LAMA4: variants seen among roughly 807,000 people sequenced by gnomAD.
The protein encoded by LAMA4 is laminin subunit alpha 4.
LAMA4 carries 127 observed loss-of-function variants against 207.1 expected under a neutral mutation model. The ratio of observed to expected loss-of-function variants is 0.61; its 90% CI spans 0.53 to 0.71. LAMA4 has a LOEUF of 0.71. LAMA4 is among the 30% of genes least tolerant of loss of function. The pLI, the probability that LAMA4 is intolerant of heterozygous loss-of-function variation, is 0.00. For synonymous variants in LAMA4, 761 were observed against 816.0 expected (o/e 0.93, Z 1.15); for missense variants, 2,093 against 2,246.5 (o/e 0.93, Z 1.38).
chr6:112,119,089 A>G, intron 34 of LAMA4, 67 bp downstream of exon 34: 1 of 1,500,514 alleles, frequency 6.7e-7, no homozygotes, highest in Non-Finnish European at 9.3e-7. Flanking sequence ...CTGTGAGACG[A>G]GGGCCTCAAT....
intron 9 of LAMA4, among the ~76,000 whole-genome samples, chr6:112,180,344 T>C (rs1405726939): frequency 1.3e-5 from 2 of 152,212 alleles, no homozygotes; most frequent in African/African-American, 2.4e-5. Context: ...ATACTGTATA[T>C]ATGACTGGAT....
intron 3 of LAMA4, among the ~76,000 whole-genome samples, chr6:112,214,473 T>G (rs782742709): frequency 2.0e-5 from 3 of 152,298 alleles, no homozygotes; most frequent in Non-Finnish European, 4.4e-5. Context: ...ATTTTTACTT[T>G]GTACTTCAAG....
At chr6:112,115,654 T>A (rs1554323425) in intron 36 of LAMA4, among the ~76,000 whole-genome samples, 2 of 152,208 alleles carry the variant, frequency 1.3e-5, no homozygotes. Flanking sequence ...TTTTGCCATA[T>A]TTTTATGACT....
chr6:112,157,552 T>C (rs1780792720), intron 14 of LAMA4, among the ~76,000 whole-genome samples: 1 of 152,168 alleles, frequency 6.6e-6, no homozygotes, highest in Non-Finnish European at 1.5e-5. Flanking sequence ...GACTTGAGGG[T>C]GATTGATATT....
chr6:112,246,502 C>G (rs1267754776), intron 2 of LAMA4, among the ~76,000 whole-genome samples: 1 of 147,736 alleles, frequency 6.8e-6, no homozygotes, highest in East Asian at 2.0e-4. Context: ...AGGTATTATC[C>G]TTGTCATATC....
chr6:112,155,610 A>T lies in LAMA4; in HGVS notation c.1914T>A (p.Asn638Lys), dbSNP rs547448792. 1.2e-6 allele frequency: 2 copies of T among 1,614,168 alleles called. No homozygotes were observed. Among genetic ancestry groups the T allele is most frequent in the Non-Finnish European group, 1.7e-6 (2 of 1,180,000 alleles). ...TGTTCAAAGCAAATTCTGCTGTTTC[A>T]TTGGCTTCACTAACATAATTAACAA... Reference protein sequence around the residue: ...ENIVNYVSEANETAEFALNTT... With the variant: ...ENIVNYVSEAKETAEFALNTT... Residue 638 changes from asparagine (N) to lysine (K), a missense_variant, in exon 15 of 39, where the codon AAT becomes AAA. Physicochemically the swap from Asn to Lys is moderately conservative, Grantham distance 94 (BLOSUM62 0). Coordinates refer to ENST00000230538, the MANE Select transcript of LAMA4 (RefSeq NM_001105206.3).
chr6:112,144,213 A>T (rs1411121892), intron 19 of LAMA4, among the ~76,000 whole-genome samples: 1 of 152,302 alleles, frequency 6.6e-6, no homozygotes, highest in African/African-American at 2.4e-5. Context: ...TCTTCTGCTA[A>T]GTTGCTTCTA....
chr6:112,157,110 A>G (rs868988998), intron 14 of LAMA4, among the ~76,000 whole-genome samples: 5 of 152,152 alleles, frequency 3.3e-5, no homozygotes, highest in South Asian at 2.1e-4. Context: ...TCTAATCTAA[A>G]TACTCACTAC....
intron 30 of LAMA4, 105 bp from the exon 31 acceptor site, chr6:112,129,180 G>C: frequency 1.9e-6 from 1 of 521,078 alleles, no homozygotes; most frequent in Non-Finnish European, 3.2e-6. Context: ...ATGTGTGTGT[G>C]TGTGTGCATG....
At chr6:112,148,390 G>T in intron 17 of LAMA4, 54 bp from the exon 18 acceptor site, 1 of 1,586,016 alleles carries the variant, frequency 6.3e-7, no homozygotes. Context: ...ATATTTGTTG[G>T]GGAACATTAA....
chr6:112,206,040 C>T (rs1554354063), intron 4 of LAMA4, among the ~76,000 whole-genome samples: 1 of 152,196 alleles, frequency 6.6e-6, no homozygotes, highest in South Asian at 2.1e-4. Context: ...CTGCTCTATG[C>T]ATCACTTCCA....
chr6:112,198,492 C>T (rs1783550934), intron 5 of LAMA4, among the ~76,000 whole-genome samples: 1 of 152,040 alleles, frequency 6.6e-6, no homozygotes, highest in African/African-American at 2.4e-5. Context: ...AAGCAGAAAC[C>T]CTCCTCTTAA....
intron 3 of LAMA4, among the ~76,000 whole-genome samples, chr6:112,214,530 G>A (rs749515223): frequency 1.3e-4 from 20 of 152,062 alleles, no homozygotes; most frequent in Non-Finnish European, 2.4e-4. Flanking sequence ...TTATACTAAT[G>A]TATCTATATT....
intron 28 of LAMA4, among the ~76,000 whole-genome samples, chr6:112,131,595 G>A (rs1554329812): frequency 6.6e-6 from 1 of 152,020 alleles, no homozygotes; most frequent in Non-Finnish European, 1.5e-5. Context: ...AAAATATTTG[G>A]CAAGGGTTAA....
intron 3 of LAMA4, among the ~76,000 whole-genome samples, chr6:112,212,487 G>T (rs1312858874): frequency 7.9e-5 from 12 of 152,150 alleles, no homozygotes; most frequent in African/African-American, 2.9e-4. Flanking sequence ...GCCTCCCAAA[G>T]TGCTGGGATT....
At chr6:112,183,040 A>G (rs1185004670) in intron 9 of LAMA4, among the ~76,000 whole-genome samples, 2 of 152,226 alleles carry the variant, frequency 1.3e-5, no homozygotes, top group Non-Finnish European at 2.9e-5. Flanking sequence ...CAAAACCCGT[A>G]GCTAGGTGGA....
At chr6:112,149,432 G>A (rs1281161482) in intron 17 of LAMA4, among the ~76,000 whole-genome samples, 2 of 152,054 alleles carry the variant, frequency 1.3e-5, no homozygotes, top group Non-Finnish European at 2.9e-5. Flanking sequence ...GGGATGGGTG[G>A]GAAATAATTG....
At chr6:112,180,032 C>T (rs879976584) in intron 9 of LAMA4, 1 of 428,704 alleles carries the variant, frequency 2.3e-6, no homozygotes, top group Non-Finnish European at 4.7e-6. Context: ...CTCCTCCCTG[C>T]TTTTAAAAAA....
chr6:112,225,087 A>G (rs1325269624), intron 2 of LAMA4, among the ~76,000 whole-genome samples: 7 of 151,956 alleles, frequency 4.6e-5, no homozygotes, highest in Admixed American at 3.9e-4. Context: ...TTATGTATGG[A>G]TGAAATTTGT....
Sources: gnomAD v4.1 joint callset for allele counts (sites outside exome capture counted in the v4.1 genomes callset) on GRCh38, gnomAD v4.1.1 for gene constraint, MANE v1.5 for transcripts, NCBI Gene and HGNC (gene_info 2026-07-23, HGNC 2026-07-21) for gene names.